Variants in MAU2 observed in about 807,000 individuals in gnomAD.
MAU2 encodes the protein MAU2 sister chromatid cohesion factor.
A neutral mutation model predicts 89.1 loss-of-function variants in MAU2; 9 were observed. The ratio of observed to expected loss-of-function variants is 0.10; its 90% CI spans 0.06 to 0.18. The LOEUF (loss-of-function observed/expected upper bound fraction) is 0.18. Ranked by LOEUF, MAU2 falls within the 10% of genes least tolerant of loss-of-function variation. MAU2 has a pLI of 1.00. For missense variants in MAU2, 425 were observed against 803.5 expected (o/e 0.53, Z 5.69); for synonymous variants, 357 against 343.4 (o/e 1.04, Z -0.44).
At chr19:19,340,742 C>T in intron 5 of MAU2, 104 bp from the exon 6 acceptor site, 1 of 1,139,016 alleles carries the variant, frequency 8.8e-7, no homozygotes, top group Admixed American at 2.1e-5. Context: ...ACTGAACTGT[C>T]CCCTGAGGTG....
chr19:19,348,664 C>T, intron 13 of MAU2: 2 of 637,500 alleles, frequency 3.1e-6, no homozygotes, highest in Admixed American at 4.8e-5. Context: ...GCCCCTGTCA[C>T]CTACTGCAGG....
chr19:19,349,023 G>T, intron 14 of MAU2, 85 bp downstream of exon 14: 2 of 1,564,666 alleles, frequency 1.3e-6, no homozygotes, highest in Non-Finnish European at 1.7e-6. Flanking sequence ...CTTGCACCCT[G>T]ACACCCCATA....
chr19:19,342,351 C>G (rs943614956), intron 7 of MAU2, among the ~76,000 whole-genome samples, 184 bp from the exon 8 acceptor site: 4 of 152,202 alleles, frequency 2.6e-5, no homozygotes, highest in African/African-American at 9.7e-5. Flanking sequence ...TGGCTGTGCC[C>G]CATGCCCCAA....
At chr19:19,348,790 G>A (rs1413612464) in intron 13 of MAU2, 99 bp from the exon 14 acceptor site, 13 of 1,328,514 alleles carry the variant, frequency 9.8e-6, no homozygotes, top group South Asian at 3.5e-5. Context: ...CCACAGTCCC[G>A]ACGGGGGTGT....
chr19:19,340,773 C>T (rs2061638171), intron 5 of MAU2, 73 bp from the exon 6 acceptor site: 16 of 1,557,176 alleles, frequency 1.0e-5, no homozygotes, highest in Non-Finnish European at 1.3e-5. Context: ...TCCTGTGAGC[C>T]TTGGGGTAAT....
chr19:19,324,480 C>A (rs181092602), intron 1 of MAU2, among the ~76,000 whole-genome samples: 1 of 152,164 alleles, frequency 6.6e-6, no homozygotes, highest in African/African-American at 2.4e-5. Flanking sequence ...TCTCCATGAA[C>A]AACTCCCACC....
intron 1 of MAU2, among the ~76,000 whole-genome samples, chr19:19,322,509 G>T (rs1234010351): frequency 6.6e-6 from 1 of 152,222 alleles, no homozygotes; most frequent in African/African-American, 2.4e-5. Flanking sequence ...TGAGGTGGGA[G>T]GATCAGCTAA....
At chr19:19,333,784 A>G (rs981529425) in intron 1 of MAU2, among the ~76,000 whole-genome samples, 1 of 152,208 alleles carries the variant, frequency 6.6e-6, no homozygotes, top group Non-Finnish European at 1.5e-5. Flanking sequence ...GCAGTGACAG[A>G]AATGGGGCCA....
intron 1 of MAU2, chr19:19,334,254 C>G (rs961276818): frequency 1.0e-6 from 1 of 985,552 alleles, no homozygotes; most frequent in African/African-American, 1.7e-5. Context: ...GACCCCGAGC[C>G]CCTCCTGTCC....
At chr19:19,336,096 G>C (rs747930884) in intron 2 of MAU2, 26 bp from the exon 3 acceptor site, 5 of 1,586,558 alleles carry the variant, frequency 3.2e-6, no homozygotes, top group Non-Finnish European at 4.3e-6. Context: ...CGCAGTGTCT[G>C]TACTTCCTTA....
intron 1 of MAU2, among the ~76,000 whole-genome samples, chr19:19,328,375 C>A (rs974344486): frequency 1.1e-4 from 16 of 151,660 alleles, no homozygotes; most frequent in Non-Finnish European, 2.2e-4. Flanking sequence ...ATTTGGACAT[C>A]TGCTGTTGAA....
At chr19:19,329,926 G>T (rs376841447) in intron 1 of MAU2, among the ~76,000 whole-genome samples, 2 of 151,770 alleles carry the variant, frequency 1.3e-5, no homozygotes, top group South Asian at 4.2e-4. Context: ...ACTGCATTCC[G>T]GCCTGGGTGA....
intron 4 of MAU2, 92 bp downstream of exon 4, chr19:19,337,357 G>C (rs1451498040): frequency 1.0e-6 from 1 of 997,140 alleles, no homozygotes; most frequent in Admixed American, 1.9e-5. Flanking sequence ...CAGAGTCCAC[G>C]ATGCGCAGAC....
chr19:19,331,283 A>C (rs1251908723), intron 1 of MAU2, among the ~76,000 whole-genome samples: 1 of 152,006 alleles, frequency 6.6e-6, no homozygotes, highest in Non-Finnish European at 1.5e-5. Context: ...GCAGATAACA[A>C]GGTCAGGAGA....
At chr19:19,355,416 G>C (rs758373767) in intron 18 of MAU2, 25 bp downstream of exon 18, 1 of 1,612,800 alleles carries the variant, frequency 6.2e-7, no homozygotes, top group Non-Finnish European at 8.5e-7. Context: ...GTTAGGGGAC[G>C]GGATCAGGAC....
At chr19:19,352,104 C>T (rs1410878095) in intron 16 of MAU2, among the ~76,000 whole-genome samples, 1 of 152,016 alleles carries the variant, frequency 6.6e-6, no homozygotes, top group Non-Finnish European at 1.5e-5. Context: ...CTACTTCAGC[C>T]TCCCAAAGTG....
At chr19:19,351,837 ATTTTTTTT>A (rs35932608) in intron 16 of MAU2, among the ~76,000 whole-genome samples, 4 of 58,916 alleles carry the variant, frequency 6.8e-5, no homozygotes, top group Non-Finnish European at 9.1e-5. Context: ...CTGTTTGGTA[ATTTTTTTT>A]TTTTTTTTTT....
rs369991994 is a variant in MAU2 at position 19,349,256 on chromosome 19, G to A, written c.1436+24G>A. 47 of 1,613,934 alleles carry A rather than the reference G, an allele frequency of 2.9e-5. 1 individual carries two copies. Among genetic ancestry groups the A allele is most frequent in the South Asian group, 2.3e-4 (21 of 91,084 alleles). On this transcript the variant is annotated intron_variant, in intron 15 of 18. Transcript: ENST00000262815. ...AAGTAAGTGTGGGGCAGAGGGTGGC[G>A]TGAGGGCCATGCTCAGGGTAGCCCA... is the stretch of plus-strand genomic sequence containing the variant.
chr19:19,343,316 T>A (rs991258249), intron 9 of MAU2, among the ~76,000 whole-genome samples: 1 of 152,206 alleles, frequency 6.6e-6, no homozygotes, highest in Non-Finnish European at 1.5e-5. Flanking sequence ...GCTGGTATAG[T>A]GTGCCCATTA....
Sources: allele counts gnomAD v4.1 joint callset (sites outside exome capture counted in the v4.1 genomes callset), GRCh38; gene constraint gnomAD v4.1.1; transcripts MANE v1.5; gene names NCBI Gene and HGNC (gene_info 2026-07-23, HGNC 2026-07-21).